FANCC: variants seen among roughly 807,000 people sequenced by gnomAD.
The protein encoded by FANCC is FA complementation group C.
A neutral mutation model predicts 71.3 loss-of-function variants in FANCC; 55 were observed. That is an observed-to-expected ratio of 0.77 (90% confidence interval 0.62 to 0.97). The LOEUF is 0.97. Ranked by LOEUF, FANCC falls within the 50% of genes least tolerant of loss-of-function variation. The pLI is 0.00. For missense variants in FANCC, 678 were observed against 670.9 expected (o/e 1.01, Z -0.12); for synonymous variants, 275 against 244.9 (o/e 1.12, Z -1.15).
chr9:95,101,902 T>G lies in FANCC; in HGVS notation c.1534-52A>C, dbSNP rs761359937. 9.9e-6 allele frequency: 16 copies of G among 1,609,288 alleles called. No individual in the cohort carries two copies. In the South Asian group the frequency reaches 1.8e-4, roughly 18 times the overall value. The stretch of plus-strand genomic sequence containing the variant: ...AATTAAAACACTTTCCAGACAGATT[T>G]GTCCTTTGTCCAGGGACGGACCATA... On this transcript the variant is annotated intron_variant, in intron 14 of 14. Transcript: ENST00000289081.
At chr9:95,171,897 A>C (rs975025142) in intron 5 of FANCC, 140 bp downstream of exon 5, 5 of 663,826 alleles carry the variant, frequency 7.5e-6, no homozygotes, top group Admixed American at 4.7e-5. Flanking sequence ...CATGGCCATA[A>C]GTCTGCCCAA....
chr9:95,235,320 G>C (rs1046812230), intron 4 of FANCC, among the ~76,000 whole-genome samples: 1 of 142,080 alleles, frequency 7.0e-6, no homozygotes, highest in Middle Eastern at 3.6e-3. Context: ...TGCACCCAAA[G>C]GAACCTGATG....
At chr9:95,278,441 G>A (rs1833173033) in intron 1 of FANCC, among the ~76,000 whole-genome samples, 1 of 152,122 alleles carries the variant, frequency 6.6e-6, no homozygotes, top group African/African-American at 2.4e-5. Context: ...CGAGAAAATA[G>A]AACACTTGAA....
intron 1 of FANCC, among the ~76,000 whole-genome samples, chr9:95,255,244 C>T (rs1322781331): frequency 5.9e-5 from 9 of 152,200 alleles, no homozygotes; most frequent in African/African-American, 2.4e-5. Flanking sequence ...GTCCCTGACC[C>T]GCATGCCTCC....
chr9:95,123,895 C>T (rs951958551), intron 10 of FANCC: 15 of 489,968 alleles, frequency 3.1e-5, no homozygotes, highest in African/African-American at 1.8e-4. Flanking sequence ...AGTCTGAAGA[C>T]GGACTATTCT....
Position 95,249,312 on chromosome 9 carries a change from G to C in FANCC, c.-21C>G, listed in dbSNP as rs1017979233. 3 of 1,613,272 alleles carry C rather than the reference G, an allele frequency of 1.9e-6. No homozygotes were observed. Among genetic ancestry groups the C allele is most frequent in the Non-Finnish European group, 1.7e-6 (2 of 1,179,624 alleles). On this transcript the variant is annotated 5_prime_UTR_variant, in exon 2 of 15. It adds an upstream start codon to the 5' untranslated region. Coordinates refer to ENST00000289081, the MANE Select transcript of FANCC (RefSeq NM_000136.3). Reference sequence around the variant, plus strand: ...GCCATCTTGGAAAAAGCGAAAAGGTGATGTCCCTTCACAGCAGCCTGTCCA... The same window carrying C: ...GCCATCTTGGAAAAAGCGAAAAGGTCATGTCCCTTCACAGCAGCCTGTCCA...
In FANCC at chr9:95,289,248, C is replaced by A. The variant is rs1833868846; in HGVS notation, c.-79+28278G>T. On this transcript the variant is annotated intron_variant, in intron 1 of 14. Transcript: ENST00000289081. ...ACTTTTAAAATACCTGATTAGGTAA[C>A]TAATGCTCAGAAGCACATATAATTC... Among the ~76,000 whole-genome samples the A allele has an allele frequency of 5.9e-5, 9 of 152,100 alleles. No homozygotes were observed. The South Asian group carries it at 1.9e-3, about 32-fold the overall frequency.
chr9:95,314,841 A>C (rs76982569), intron 1 of FANCC, among the ~76,000 whole-genome samples: 3,393 of 152,276 alleles, frequency 0.022, 136 homozygotes, highest in African/African-American at 0.077. Flanking sequence ...AAATGGAAAG[A>C]GATTCCATGT....
intron 6 of FANCC, among the ~76,000 whole-genome samples, chr9:95,170,637 C>CGTGCGTGTGTGTGT (rs1825605125): frequency 8.0e-6 from 1 of 124,290 alleles, no homozygotes; most frequent in African/African-American, 3.0e-5. Context: ...TTGTAAATAT[C>CGTGCGTGTGTGTGT]GTGTGTGTGT....
chr9:95,112,063 C>G (rs2134565179), intron 12 of FANCC, among the ~76,000 whole-genome samples: 1 of 152,344 alleles, frequency 6.6e-6, no homozygotes, highest in African/African-American at 2.4e-5. Context: ...ACGCAAAGTT[C>G]AGGTGGATAT....
At chr9:95,117,187 AG>A (rs2134689222) in intron 11 of FANCC, 127 bp downstream of exon 11, 2 of 844,848 alleles carry the variant, frequency 2.4e-6, no homozygotes, top group Non-Finnish European at 3.9e-6. Context: ...GGGGGCTTAA[AG>A]GGATCTTAGA....
At position 95,166,538 on chromosome 9, in the gene FANCC, C is replaced by G. The variant is rs1162086964; in HGVS notation, c.521+4541G>C. Among the ~76,000 whole-genome samples, 10 of 152,236 alleles carry G rather than the reference C, an allele frequency of 6.6e-5. No homozygotes were observed. The East Asian group carries it at 1.7e-3, about 26-fold the overall frequency. ...TCAATATCACAAATTACATCCTTTT[C>G]TATTTTGTATCTATCAACACAGTTT... On this transcript the variant is annotated intron_variant, in intron 6 of 14. Transcript: ENST00000289081.
chr9:95,297,123 A>G (rs909031437), intron 1 of FANCC, among the ~76,000 whole-genome samples: 1 of 152,210 alleles, frequency 6.6e-6, no homozygotes, highest in African/African-American at 2.4e-5. Flanking sequence ...GAACTGAACC[A>G]TATGTGGGGG....
chr9:95,302,837 T>C (rs554028869), intron 1 of FANCC, among the ~76,000 whole-genome samples: 16 of 152,358 alleles, frequency 1.1e-4, no homozygotes, highest in Admixed American at 9.1e-4. Flanking sequence ...TGCAGAAGCA[T>C]GGCCAAATGA....
chr9:95,107,087 G>A lies in FANCC; in HGVS notation c.1512C>T (p.Ile504=), dbSNP rs746940880. 7.4e-6 allele frequency: 12 copies of A among 1,614,076 alleles called. No individual in the cohort carries two copies. Among genetic ancestry groups the A allele is most frequent in the East Asian group, 2.2e-5 (1 of 44,896 alleles). ...FLLWAPGGHT[I]AWDVITLMAH... Reference sequence around the variant, plus strand: ...TTACCAGGGTGATGACATCCCAGGCGATCGTGTGGCCTCCAGGAGCCCAGA... The same window carrying A: ...TTACCAGGGTGATGACATCCCAGGCAATCGTGTGGCCTCCAGGAGCCCAGA... The change falls in exon 14 of 15, where the codon ATC becomes ATT. Residue 504 remains isoleucine, a synonymous_variant. Coordinates refer to ENST00000289081, the MANE Select transcript of FANCC (RefSeq NM_000136.3).
chr9:95,133,461 A>G (rs1588128566), intron 8 of FANCC, among the ~76,000 whole-genome samples: 2 of 152,202 alleles, frequency 1.3e-5, no homozygotes, highest in South Asian at 4.1e-4. Flanking sequence ...AAGCTGTGTG[A>G]CTCGTGGGAG....
At position 95,138,861 on chromosome 9, in the gene FANCC, G is replaced by A. The variant is rs776484569; in HGVS notation, c.687-3359C>T. ...CTCCAGTCAGTAAAGTGCGTGATGC[G>A]CCCATTCTAGTTTGAAAACGATGTG... On this transcript the variant is annotated intron_variant, in intron 7 of 14. Coordinates refer to ENST00000289081, the MANE Select transcript of FANCC (RefSeq NM_000136.3). Among the ~76,000 whole-genome samples, 6 of 152,296 alleles carry A rather than the reference G, an allele frequency of 3.9e-5. 1 individual carries two copies. Among genetic ancestry groups the A allele is most frequent in the South Asian group, 4.1e-4 (2 of 4,834 alleles).
At chr9:95,286,854 A>G (rs1316889547) in intron 1 of FANCC, among the ~76,000 whole-genome samples, 1 of 152,216 alleles carries the variant, frequency 6.6e-6, no homozygotes, top group Non-Finnish European at 1.5e-5. Flanking sequence ...TTAAAAGGTA[A>G]TATGAACATA....
chr9:95,302,729 C>G (rs560698403), intron 1 of FANCC, among the ~76,000 whole-genome samples: 4 of 152,178 alleles, frequency 2.6e-5, no homozygotes, highest in Admixed American at 6.5e-5. Flanking sequence ...CAGAGCAGCA[C>G]GGCTCAGATA....
Sources: gnomAD v4.1 joint callset for allele counts (sites outside exome capture counted in the v4.1 genomes callset) on GRCh38, gnomAD v4.1.1 for gene constraint, MANE v1.5 for transcripts, NCBI Gene and HGNC (gene_info 2026-07-23, HGNC 2026-07-21) for gene names.